The following KIF27 variants were observed in gnomAD, a reference collection of about 807,000 sequenced individuals.
The protein encoded by KIF27 is kinesin family member 27.
A neutral mutation model predicts 141.8 loss-of-function variants in KIF27; 84 were observed. That is an observed-to-expected ratio of 0.59 (90% CI 0.50 to 0.71). The LOEUF (loss-of-function observed/expected upper bound fraction) is 0.71, where lower values mean the gene tolerates loss of function less well. Ranked by LOEUF, KIF27 falls within the 30% of genes least tolerant of loss-of-function variation. KIF27 has a pLI of 0.00. For missense variants in KIF27, 1,306 were observed against 1,628.4 expected (o/e 0.80, Z 3.41); for synonymous variants, 471 against 569.5 (o/e 0.83, Z 2.46).
chr9:83,919,684 CA>C (rs900262544), intron 1 of KIF27, among the ~76,000 whole-genome samples: 19 of 150,526 alleles, frequency 1.3e-4, no homozygotes, highest in East Asian at 3.9e-4. Flanking sequence ...CACTTGAGCC[CA>C]GGAGTTCGAG....
At chr9:83,880,595 T>G (rs1478574102) in intron 10 of KIF27, 101 bp from the exon 11 acceptor site, 6 of 950,810 alleles carry the variant, frequency 6.3e-6, no homozygotes, top group Non-Finnish European at 9.5e-6. Context: ...AAATTTTCCC[T>G]AGATTTTCAT....
At position 83,836,219 on chromosome 9, in the gene KIF27, C is replaced by G. The variant is rs1945816703; in HGVS notation, c.*782G>C. Among the ~76,000 whole-genome samples, 1 of 152,058 alleles carries G rather than the reference C, an allele frequency of 6.6e-6. No homozygotes were observed. Among genetic ancestry groups the G allele is most frequent in the South Asian group, 2.1e-4 (1 of 4,824 alleles). On this transcript the variant is annotated 3_prime_UTR_variant, in exon 18 of 18. Coordinates refer to ENST00000297814, the MANE Select transcript of KIF27 (RefSeq NM_017576.4). ...TCCATGTGACCAGAGATGTCATAAC[C>G]AGTGTTCTTTCTCTTGAAATGTTAG...
At chr9:83,872,238 C>T (rs1438665433) in intron 11 of KIF27, among the ~76,000 whole-genome samples, 7 of 152,144 alleles carry the variant, frequency 4.6e-5, no homozygotes, top group Admixed American at 3.3e-4. Flanking sequence ...ATCGCTTGAA[C>T]TTGAGAGGCA....
intron 3 of KIF27, among the ~76,000 whole-genome samples, chr9:83,906,876 T>A (rs1203872136): frequency 6.6e-6 from 1 of 151,752 alleles, no homozygotes; most frequent in African/African-American, 2.4e-5. Context: ...AATTACCATA[T>A]AAACATGAAG....
At chr9:83,840,697 T>C (rs1946456138) in intron 17 of KIF27, among the ~76,000 whole-genome samples, 2 of 152,342 alleles carry the variant, frequency 1.3e-5, no homozygotes, top group Non-Finnish European at 2.9e-5. Flanking sequence ...TTTTGGCAAG[T>C]AATGTTTCAA....
chr9:83,854,526 G>A (rs1206764076), intron 14 of KIF27, among the ~76,000 whole-genome samples: 1 of 152,120 alleles, frequency 6.6e-6, no homozygotes, highest in Non-Finnish European at 1.5e-5. Context: ...AGAGAAGATC[G>A]ATGAATCCCT....
At chr9:83,892,502 C>A (rs2132394450) in intron 5 of KIF27, among the ~76,000 whole-genome samples, 1 of 151,552 alleles carries the variant, frequency 6.6e-6, no homozygotes, top group African/African-American at 2.4e-5. Flanking sequence ...ACCAATGATC[C>A]AAAAGAGGGA....
intron 14 of KIF27, among the ~76,000 whole-genome samples, chr9:83,856,086 G>C (rs113789921): frequency 6.6e-6 from 1 of 152,110 alleles, no homozygotes; most frequent in Non-Finnish European, 1.5e-5. Context: ...AGGTTATCAA[G>C]AGTTGACTCT....
intron 13 of KIF27, among the ~76,000 whole-genome samples, chr9:83,861,191 ATATAT>A (rs1269432409): frequency 1.3e-5 from 2 of 151,522 alleles, no homozygotes; most frequent in Non-Finnish European, 2.9e-5. Flanking sequence ...TTATATATAT[ATATAT>A]AACTTTAAGT....
chr9:83,856,776 A>G (rs532128009), intron 14 of KIF27, among the ~76,000 whole-genome samples: 56 of 149,832 alleles, frequency 3.7e-4, no homozygotes, highest in African/African-American at 1.3e-3. Flanking sequence ...TGGGCATGGT[A>G]GCGCACATCT....
At chr9:83,852,695 C>G (rs1330437837) in intron 15 of KIF27, among the ~76,000 whole-genome samples, 2 of 152,128 alleles carry the variant, frequency 1.3e-5, no homozygotes, top group Non-Finnish European at 2.9e-5. Flanking sequence ...CAGTAGTGAT[C>G]ATAGCTCACT....
At chr9:83,901,802 G>C (rs1050989599) in intron 4 of KIF27, among the ~76,000 whole-genome samples, 11 of 152,202 alleles carry the variant, frequency 7.2e-5, no homozygotes, top group African/African-American at 2.6e-4. Flanking sequence ...CAACCTGGGA[G>C]GCGGAGGTTG....
intron 4 of KIF27, among the ~76,000 whole-genome samples, chr9:83,902,648 A>G (rs748681807): frequency 5.9e-5 from 9 of 152,202 alleles, no homozygotes; most frequent in Non-Finnish European, 1.0e-4. Flanking sequence ...AAACTCAGTA[A>G]AAGATAACTT....
rs1404550292 is a variant in KIF27, at chr9:83,870,624, T to C, written c.2652A>G (p.Gln884=). The change falls in exon 12 of 18, where the codon CAA becomes CAG. Residue 884 remains glutamine, a synonymous_variant. Transcript: ENST00000297814. ...GACCTTCTTCCTGTCCTGTTTTTAATTGTATTTCCTATAGAAAAAGAAATT... is the reference window on the plus strand; with the variant it reads ...GACCTTCTTCCTGTCCTGTTTTTAACTGTATTTCCTATAGAAAAAGAAATT... ...KRDQQKIKEI[Q]LKTGQEEGLK... is the part of the protein sequence containing the mutation. The C allele has an allele frequency of 3.1e-6, 5 of 1,613,836 alleles. No homozygotes were observed. Among genetic ancestry groups the C allele is most frequent in the Non-Finnish European group, 4.2e-6 (5 of 1,179,798 alleles).
At chr9:83,861,196 T>A (rs1272985463) in intron 13 of KIF27, among the ~76,000 whole-genome samples, 2 of 151,738 alleles carry the variant, frequency 1.3e-5, no homozygotes, top group South Asian at 2.1e-4. Context: ...TATATATATA[T>A]AACTTTAAGT....
Position 83,903,937 on chromosome 9 carries a change from T to G in KIF27, c.581A>C (p.His194Pro). The change falls in exon 4 of 18, where the codon CAT becomes CCT. Residue 194 changes from histidine (H) to proline (P), a missense_variant. This residue lies in a region of KIF27 where 533 missense variants were observed against 565.6 expected (regional missense o/e 0.94). Coordinates refer to ENST00000297814, the MANE Select transcript of KIF27 (RefSeq NM_017576.4). ...CTCATTCATTTGAGTGGTACCTGTA[T>G]GTCTGGCTGCATTCCCCATCTCCAA... ...SLLEMGNAAR[H>P]TGTTQMNEHS... 1 of 1,614,188 alleles carries G rather than the reference T, an allele frequency of 6.2e-7. No individual in the cohort carries two copies. The highest frequency in any genetic ancestry group is 8.5e-7 in the Non-Finnish European group (1 of 1,180,032).
In KIF27 at chr9:83,853,903, T is replaced by A. The variant is rs995988464; in HGVS notation, c.3151-68A>T. On this transcript the variant is annotated intron_variant, in intron 14 of 17. Coordinates refer to ENST00000297814, the MANE Select transcript of KIF27 (RefSeq NM_017576.4). The stretch of plus-strand genomic sequence containing the variant: ...ACTTTGACTTTGTCATATACTCAGA[T>A]CCTCCTAAGCTATTTGAGTCTAATG... 4.9e-5 allele frequency: 58 copies of A among 1,179,726 alleles called. No individual in the cohort carries two copies. In the Admixed American group the frequency reaches 1.1e-3, roughly 22 times the overall value. 73.1% of individuals were successfully genotyped at this position (1,179,726 alleles called of 1,614,324 possible).
rs1554764881 is a variant in KIF27, at chr9:83,848,132, C to CATATCTGAT, written c.3556+1966_3556+1967insATCAGATAT. On this transcript the variant is annotated intron_variant, in intron 16 of 17. Coordinates refer to ENST00000297814, the MANE Select transcript of KIF27 (RefSeq NM_017576.4). ...CTCATATCTGATATATCTGATATCT[C>CATATCTGAT]ATATATGATATATCTGATATATCAT... 5.3e-5 allele frequency among the ~76,000 whole-genome samples: 2 copies of CATATCTGAT among 38,018 alleles called. 1 individual carries two copies. The highest frequency in any genetic ancestry group is 1.0e-3 in the East Asian group (2 of 1,996). The allele number at this position is 38,018 out of a possible 152,430, so 24.9% of individuals were successfully genotyped here.
At chr9:83,905,121 C>T (rs931810661) in intron 3 of KIF27, among the ~76,000 whole-genome samples, 29 of 145,318 alleles carry the variant, frequency 2.0e-4, no homozygotes, top group Non-Finnish European at 4.0e-4. Flanking sequence ...AAAAATATTT[C>T]TTTTTTTTTT....
Sources: gnomAD v4.1 joint callset for allele counts (sites outside exome capture counted in the v4.1 genomes callset) on GRCh38, gnomAD v4.1.1 for gene constraint, gnomAD v4.1.1 regional missense constraint, MANE v1.5 for transcripts, NCBI Gene and HGNC (gene_info 2026-07-23, HGNC 2026-07-21) for gene names.